DDX50: variants seen among roughly 807,000 people sequenced by gnomAD.
The protein encoded by DDX50 is DExD-box helicase 50.
In DDX50, 56 loss-of-function variants were observed where a neutral mutation model predicts 94.8. That is an observed-to-expected ratio of 0.59 (90% CI 0.48 to 0.74). The LOEUF (loss-of-function observed/expected upper bound fraction) is 0.74, where lower values mean the gene tolerates loss of function less well. DDX50 is among the 30% of genes least tolerant of loss of function. The pLI is 0.00. For missense variants in DDX50, 713 were observed against 881.2 expected, an observed-to-expected ratio of 0.81 and a Z score of 2.42; for synonymous variants, 264 against 295.4, an observed-to-expected ratio of 0.89 and a Z score of 1.09.
At position 68,914,196 on chromosome 10, in the gene DDX50, A is replaced by G. The variant is rs769818755; in HGVS notation, c.1081A>G (p.Thr361Ala). 1.2e-6 allele frequency: 2 copies of G among 1,610,328 alleles called. No homozygotes were observed. The highest frequency in any genetic ancestry group is 1.1e-5 in the South Asian group (1 of 89,932). ...AAAAATGACTCAAAAGGCTGCAACTACTGTGGAAGTAAGTAGCTTTCTAGC... is the reference window on the plus strand; with the variant it reads ...AAAAATGACTCAAAAGGCTGCAACTGCTGTGGAAGTAAGTAGCTTTCTAGC... ...VGKMTQKAAT[T>A]VEHLAIQCHW... is the part of the protein sequence containing the mutation. Residue 361 changes from threonine (T) to alanine (A), a missense_variant, in exon 7 of 15, where the codon ACT (threonine) becomes GCT (alanine). Around this residue, in one of 2 missense-constraint regions of DDX50, gnomAD observed 428 missense variants for 602.3 expected, o/e 0.71. Transcript: ENST00000373585.
chr10:68,911,602 T>C (rs1841627424), intron 4 of DDX50: 1 of 159,780 alleles, frequency 6.3e-6, no homozygotes, highest in Admixed American at 6.5e-5. Flanking sequence ...CATTTATTTG[T>C]CATTCAGTAA....
chr10:68,901,972 CA>C (rs1841298954), intron 1 of DDX50, among the ~76,000 whole-genome samples: 1 of 152,056 alleles, frequency 6.6e-6, no homozygotes. Context: ...TGAGACTTGC[CA>C]GGATTTGTCA....
intron 7 of DDX50, 160 bp downstream of exon 7, chr10:68,914,364 A>G (rs1841721751): frequency 2.6e-6 from 2 of 762,824 alleles, no homozygotes; most frequent in Non-Finnish European, 2.0e-6. Flanking sequence ...GAGACTGAGT[A>G]GCAGAATAGA....
chr10:68,941,854 G>A (rs892804491), intron 13 of DDX50, among the ~76,000 whole-genome samples: 6 of 152,144 alleles, frequency 3.9e-5, no homozygotes, highest in Non-Finnish European at 1.5e-5. Flanking sequence ...TGGCCAGGCT[G>A]GTCTCGCACT....
At chr10:68,938,581 T>A (rs10762247) in intron 12 of DDX50, among the ~76,000 whole-genome samples, 18,974 of 152,168 alleles carry the variant, frequency 0.12, 1,934 homozygotes, top group East Asian at 0.45. Context: ...ATCCCTGTGA[T>A]GGGGAGGAGG....
intron 8 of DDX50, among the ~76,000 whole-genome samples, chr10:68,920,474 A>G (rs1246814552): frequency 2.0e-5 from 3 of 152,066 alleles, no homozygotes; most frequent in Non-Finnish European, 4.4e-5. Context: ...CCTCTATCAG[A>G]TTTTATCAGT....
chr10:68,938,487 A>C (rs1168044821), intron 12 of DDX50, among the ~76,000 whole-genome samples: 2 of 152,190 alleles, frequency 1.3e-5, no homozygotes, highest in African/African-American at 4.8e-5. Flanking sequence ...GAGTGAGCGA[A>C]CCTGGTCCTG....
At position 68,901,381 on chromosome 10, in the gene DDX50, A is replaced by C; in HGVS notation, c.-4A>C. ...TGCCCGGAGGGAGGCGGCGGTGGCCAGTAATGCCTGGGAAACTCCTCTGGG... is the reference window on the plus strand; with the variant it reads ...TGCCCGGAGGGAGGCGGCGGTGGCCCGTAATGCCTGGGAAACTCCTCTGGG... On this transcript the variant is annotated 5_prime_UTR_variant, in exon 1 of 15. Transcript: ENST00000373585. The C allele has an allele frequency of 6.5e-7, 1 of 1,541,068 alleles. No individual in the cohort carries two copies. Among genetic ancestry groups the C allele is most frequent in the Non-Finnish European group, 8.8e-7 (1 of 1,142,854 alleles).
intron 4 of DDX50, chr10:68,911,546 G>GTC (rs1490502725): frequency 4.8e-6 from 1 of 206,760 alleles, no homozygotes; most frequent in African/African-American, 2.3e-5. Context: ...CTTTTCTTCA[G>GTC]TCCTGACCTT....
rs999149101 is a variant in DDX50, at chr10:68,926,064, T to C, written c.1239+6083T>C. The stretch of plus-strand genomic sequence containing the variant: ...GTGGTGGCACGTTCCTGTATTCCTG[T>C]CTACTTGGGAGGCTGAGGCAAGAGG... On this transcript the variant is annotated intron_variant, in intron 8 of 14. Transcript: ENST00000373585. Among the ~76,000 whole-genome samples the C allele has an allele frequency of 1.1e-4, 16 of 140,572 alleles. 1 individual carries two copies. The highest frequency in any genetic ancestry group is 2.9e-4 in the Admixed American group (4 of 13,628). The allele number at this position is 140,572 out of a possible 152,430, so 92.2% of individuals were successfully genotyped here.
chr10:68,943,300 C>CT, intron 14 of DDX50, 43 bp downstream of exon 14: 2 of 1,501,846 alleles, frequency 1.3e-6, no homozygotes, highest in South Asian at 1.2e-5. Flanking sequence ...AGTACATTCT[C>CT]TAACATTTAG....
At position 68,936,301 on chromosome 10, in the gene DDX50, C is replaced by T. The variant is rs538418757; in HGVS notation, c.1595+222C>T. On this transcript the variant is annotated intron_variant, in intron 11 of 14. Transcript: ENST00000373585. Reference sequence around the variant, plus strand: ...AGGAGATTGAGACCATCCTGGCTAACACGGTGAAACCCTATCTCTACTAAA... The same window carrying T: ...AGGAGATTGAGACCATCCTGGCTAATACGGTGAAACCCTATCTCTACTAAA... 2.0e-5 allele frequency among the ~76,000 whole-genome samples: 3 copies of T among 148,666 alleles called. No homozygotes were observed. The East Asian group carries it at 6.0e-4, about 30-fold the overall frequency.
At position 68,934,134 on chromosome 10, in the gene DDX50, T is replaced by C; in HGVS notation, c.1240-65T>C. The C allele has an allele frequency of 6.8e-7, 1 of 1,465,688 alleles. No homozygotes were observed. The allele number at this position is 1,465,688 out of a possible 1,614,324, so 90.8% of individuals were successfully genotyped here. On this transcript the variant is annotated intron_variant, in intron 8 of 14. Transcript: ENST00000373585. This position sits in a 1 kb window ranked among gnomAD's most constrained non-coding sequence, Gnocchi z 4.0. ...ACATGCAAAAGGAGCACAGACTAGA[T>C]GTTGTTGTGCTATCAGTTGCAAGTA...
intron 8 of DDX50, among the ~76,000 whole-genome samples, chr10:68,925,459 C>A (rs1447590665): frequency 6.6e-6 from 1 of 152,102 alleles, no homozygotes; most frequent in Non-Finnish European, 1.5e-5. Context: ...TTATTTGTTA[C>A]ATGTGTCATC....
At chr10:68,915,442 G>A (rs1167798837) in intron 7 of DDX50, among the ~76,000 whole-genome samples, 1 of 151,370 alleles carries the variant, frequency 6.6e-6, no homozygotes, top group South Asian at 2.1e-4. Context: ...AAAAGGCTGG[G>A]TGCGGTGGCT....
rs750132888 is a variant in DDX50, at chr10:68,901,432, C to G, written c.48C>G (p.Pro16=). Reference sequence around the variant, plus strand: ...GGGACATTATGGAGCTGGAAGCACCCTTGGAGGAGTCCGAGAGCCAGAAGA... The same window carrying G: ...GGGACATTATGGAGCTGGAAGCACCGTTGGAGGAGTCCGAGAGCCAGAAGA... The part of the protein sequence containing the change: ...LWGDIMELEA[P]LEESESQKKE... The change falls in exon 1 of 15, where the codon CCC becomes CCG. Residue 16 remains proline, a synonymous_variant. Transcript: ENST00000373585. 8 of 1,576,124 alleles carry G rather than the reference C, an allele frequency of 5.1e-6. No individual in the cohort carries two copies. In the Admixed American group the frequency reaches 1.5e-4, roughly 29 times the overall value.
At position 68,906,980 on chromosome 10, in the gene DDX50, T is replaced by G; in HGVS notation, c.357T>G (p.His119Gln). 6.3e-7 allele frequency: 1 copy of G among 1,584,850 alleles called. No individual in the cohort carries two copies. Among genetic ancestry groups the G allele is most frequent in the Middle Eastern group, 1.7e-4 (1 of 5,980 alleles). The change falls in exon 2 of 15, where the codon CAT becomes CAG. Residue 119 changes from histidine (H) to glutamine (Q), a missense_variant. Physicochemically the swap from His to Gln is conservative, Grantham distance 24. Around this residue, in one of 2 missense-constraint regions of DDX50, gnomAD observed 285 missense variants for 278.9 expected, o/e 1.02. Transcript: ENST00000373585. ...KRVSSLDTST[H>Q]KSSDNKLEET... ...TATCATCTTTAGATACTTCTACTCA[T>G]AAATCAAGTGATAATAAACTAGAGG...
chr10:68,925,262 C>G (rs1359665246), intron 8 of DDX50, among the ~76,000 whole-genome samples: 1 of 151,046 alleles, frequency 6.6e-6, no homozygotes, highest in Admixed American at 6.6e-5. Flanking sequence ...CGCCACCATG[C>G]CCAACTAATT....
intron 8 of DDX50, among the ~76,000 whole-genome samples, chr10:68,931,420 T>C (rs138029448): frequency 0.27 from 8,250 of 30,132 alleles, 488 homozygotes; most frequent in East Asian, 0.44. Context: ...TGTATATATA[T>C]ATATATACAC....
Sources: gnomAD v4.1 joint callset for allele counts (sites outside exome capture counted in the v4.1 genomes callset) on GRCh38, gnomAD v4.1.1 for gene constraint, gnomAD v4.1.1 regional missense constraint, Gnocchi (gnomAD v3.1) non-coding constraint, MANE v1.5 for transcripts, NCBI Gene and HGNC (gene_info 2026-07-23, HGNC 2026-07-21) for gene names.